IGF1R: variants seen among roughly 807,000 people sequenced by gnomAD.
The protein encoded by IGF1R is insulin-like growth factor 1 receptor.
IGF1R carries 44 observed loss-of-function variants against 144.6 expected under a neutral mutation model. The ratio of observed to expected loss-of-function variants is 0.30; its 90% CI spans 0.24 to 0.39. The LOEUF (loss-of-function observed/expected upper bound fraction) is 0.39. IGF1R is among the 10% of genes least tolerant of loss of function. The pLI is 1.00. For synonymous variants in IGF1R, 795 were observed against 722.8 expected, an observed-to-expected ratio of 1.10 and a Z score of -1.60; for missense variants, 1,355 against 1,833.7, an observed-to-expected ratio of 0.74 and a Z score of 4.77.
intron 13 of IGF1R, among the ~76,000 whole-genome samples, chr15:98,925,085 G>A (rs996340502): frequency 7.9e-5 from 12 of 152,124 alleles, no homozygotes; most frequent in East Asian, 5.8e-4. Context: ...GATAGGGCTC[G>A]GATTCAGGGC....
At chr15:98,895,712 C>A (rs999064666) in intron 3 of IGF1R, among the ~76,000 whole-genome samples, 14 of 152,082 alleles carry the variant, frequency 9.2e-5, no homozygotes, top group Non-Finnish European at 2.9e-5. Context: ...TACAAAATAA[C>A]CTTCATGGGT....
chr15:98,690,947 C>T (rs62024478), intron 1 of IGF1R, among the ~76,000 whole-genome samples: 30,600 of 152,204 alleles, frequency 0.2, 3,274 homozygotes, highest in Non-Finnish European at 0.23. Context: ...CATGCATACT[C>T]ACTGTTTCTT....
At chr15:98,764,051 T>C (rs1192052335) in intron 2 of IGF1R, among the ~76,000 whole-genome samples, 2 of 152,240 alleles carry the variant, frequency 1.3e-5, no homozygotes, top group Non-Finnish European at 2.9e-5. Context: ...ACACTTGTCA[T>C]GGCATCCGAT....
chr15:98,670,762 C>T (rs187080701), intron 1 of IGF1R, among the ~76,000 whole-genome samples: 68 of 152,294 alleles, frequency 4.5e-4, no homozygotes, highest in Admixed American at 2.4e-3. Context: ...AAAAAAGCCT[C>T]CCAAATTACA....
rs185821092 is a variant in IGF1R, at chr15:98,888,792, C to G, written c.641-2533C>G. On this transcript the variant is annotated intron_variant, in intron 2 of 20. Transcript: ENST00000650285. ...CATATATGAATAGCAGTCATTGAAA[C>G]AAGATAAAAGTGTATGTCTCTCACA... Among the ~76,000 whole-genome samples the G allele has an allele frequency of 9.0e-4, 137 of 152,270 alleles. 1 individual carries two copies. In the East Asian group the frequency reaches 9.8e-3, roughly 11 times the overall value.
chr15:98,703,628 A>C (rs1712512980), intron 1 of IGF1R, among the ~76,000 whole-genome samples: 1 of 152,168 alleles, frequency 6.6e-6, no homozygotes, highest in Non-Finnish European at 1.5e-5. Context: ...TGGGAGGAAA[A>C]GTGTGAAGTA....
chr15:98,704,314 G>T lies in IGF1R; in HGVS notation c.95-3248G>T, dbSNP rs1252454153. 6.6e-6 allele frequency among the ~76,000 whole-genome samples: 1 copy of T among 152,194 alleles called. No individual in the cohort carries two copies. Among genetic ancestry groups the T allele is most frequent in the African/African-American group, 2.4e-5 (1 of 41,462 alleles). On this transcript the variant is annotated intron_variant, in intron 1 of 20. Coordinates refer to ENST00000650285, the MANE Select transcript of IGF1R (RefSeq NM_000875.5). The surrounding 1 kb of genome is among the most constrained non-coding windows in gnomAD (Gnocchi z 4.9). ...GTTGAAGCTAAGGTGTTTAGGCAGA[G>T]CTCTGAGGAGGTGACGTTTGAGTGG...
intron 2 of IGF1R, among the ~76,000 whole-genome samples, chr15:98,805,290 C>T (rs1308496649): frequency 6.6e-6 from 1 of 152,132 alleles, no homozygotes; most frequent in Non-Finnish European, 1.5e-5. Flanking sequence ...ATTCTCCTCC[C>T]CATCCCACAC....
intron 2 of IGF1R, among the ~76,000 whole-genome samples, chr15:98,748,483 C>A (rs1211303553): frequency 6.6e-6 from 1 of 152,194 alleles, no homozygotes; most frequent in South Asian, 2.1e-4. Flanking sequence ...TCCGTGTACA[C>A]TTTCACACCT....
chr15:98,711,685 C>G (rs2053997466), intron 2 of IGF1R, among the ~76,000 whole-genome samples: 1 of 152,170 alleles, frequency 6.6e-6, no homozygotes, highest in African/African-American at 2.4e-5. Flanking sequence ...ACGCCACCCT[C>G]TTATGAGTCT....
At chr15:98,726,388 A>G (rs1422009951) in intron 2 of IGF1R, among the ~76,000 whole-genome samples, 2 of 152,308 alleles carry the variant, frequency 1.3e-5, no homozygotes, top group East Asian at 3.9e-4. Context: ...GCTAGGCACC[A>G]TGTTGGATGA....
intron 9 of IGF1R, chr15:98,916,464 G>A: frequency 3.3e-6 from 2 of 608,290 alleles, no homozygotes; most frequent in Admixed American, 2.7e-5. Context: ...GTTTCACCAT[G>A]TTGCCCAGGC....
chr15:98,869,657 A>G (rs560464277), intron 2 of IGF1R, among the ~76,000 whole-genome samples: 40 of 151,760 alleles, frequency 2.6e-4, no homozygotes, highest in Middle Eastern at 6.8e-3. Context: ...GTGGTCTCGA[A>G]CTCCCATCCT....
chr15:98,906,481 T>TC (rs2014738398), intron 5 of IGF1R, among the ~76,000 whole-genome samples: 1 of 152,172 alleles, frequency 6.6e-6, no homozygotes, highest in East Asian at 1.9e-4. Context: ...TTATGACACA[T>TC]CCATTTCCAC....
chr15:98,838,517 G>C (rs2011125072), intron 2 of IGF1R, among the ~76,000 whole-genome samples: 1 of 152,198 alleles, frequency 6.6e-6, no homozygotes, highest in Admixed American at 6.5e-5. Flanking sequence ...AGATGCGCCT[G>C]TTTACCCCAG....
chr15:98,860,029 C>T (rs1212758963), intron 2 of IGF1R, among the ~76,000 whole-genome samples: 1 of 152,206 alleles, frequency 6.6e-6, no homozygotes, highest in Non-Finnish European at 1.5e-5. Flanking sequence ...AATTCTCCTG[C>T]CTCAGCCTCC....
At chr15:98,771,691 A>G (rs76748011) in intron 2 of IGF1R, among the ~76,000 whole-genome samples, 8,487 of 152,240 alleles carry the variant, frequency 0.056, 282 homozygotes, top group Middle Eastern at 0.13. Context: ...ATGAATAACA[A>G]CGTATGCAAG....
At chr15:98,674,877 T>G (rs1033080003) in intron 1 of IGF1R, among the ~76,000 whole-genome samples, 2 of 152,078 alleles carry the variant, frequency 1.3e-5, no homozygotes. Flanking sequence ...ATTGTGAATT[T>G]CTGCCCATAA....
intron 5 of IGF1R, among the ~76,000 whole-genome samples, chr15:98,906,009 A>G (rs1851719470): frequency 6.6e-6 from 1 of 152,232 alleles, no homozygotes; most frequent in African/African-American, 2.4e-5. Context: ...TAGCTTCCAC[A>G]GGCTCCATAA....
Sources: gnomAD v4.1 joint callset for allele counts (sites outside exome capture counted in the v4.1 genomes callset) on GRCh38, gnomAD v4.1.1 for gene constraint, Gnocchi (gnomAD v3.1) non-coding constraint, MANE v1.5 for transcripts, NCBI Gene and HGNC (gene_info 2026-07-23, HGNC 2026-07-21) for gene names.